ARHGAP15: variants seen among roughly 807,000 people sequenced by gnomAD.
The protein encoded by ARHGAP15 is rho GTPase-activating protein 15.
ARHGAP15 carries 51 observed loss-of-function variants against 63.7 expected under a neutral mutation model. The ratio of observed to expected loss-of-function variants is 0.80; its 90% CI spans 0.64 to 1.01. The LOEUF is 1.01. ARHGAP15 is among the 50% of genes least tolerant of loss of function. The pLI is 0.00. For missense variants in ARHGAP15, 560 were observed against 564.6 expected, an observed-to-expected ratio of 0.99 and a Z score of 0.08; for synonymous variants, 191 against 193.8, an observed-to-expected ratio of 0.99 and a Z score of 0.12.
intron 12 of ARHGAP15, among the ~76,000 whole-genome samples, chr2:143,642,716 T>C (rs769163434): frequency 6.6e-6 from 1 of 152,074 alleles, no homozygotes; most frequent in African/African-American, 2.4e-5. Flanking sequence ...ATAAATGTTC[T>C]ACAGAAGGGA....
chr2:143,466,152 C>A (rs1371817548), intron 8 of ARHGAP15, among the ~76,000 whole-genome samples: 1 of 151,812 alleles, frequency 6.6e-6, no homozygotes, highest in African/African-American at 2.4e-5. Flanking sequence ...AAAATTAGTC[C>A]AGAAGAGAAG....
intron 6 of ARHGAP15, among the ~76,000 whole-genome samples, chr2:143,370,275 A>G (rs1426569837): frequency 1.3e-5 from 2 of 148,362 alleles, no homozygotes; most frequent in Non-Finnish European, 3.0e-5. Context: ...GATCCTTGGC[A>G]TGTCTTGCTT....
At position 143,225,607 on chromosome 2, in the gene ARHGAP15, A is replaced by AAAAAC. The variant is rs148636064; in HGVS notation, c.297-2944_297-2940dup. Among the ~76,000 whole-genome samples the AAAAAC allele has an allele frequency of 6.6e-3, 1,006 of 152,052 alleles. 3 individuals carry two copies. Among genetic ancestry groups the AAAAAC allele is most frequent in the African/African-American group, 0.017 (708 of 41,434 alleles). ...GGCGACAGAGCGAGACTCCGTCTCA[A>AAAAAC]AAAACAAAACAAAACAAAACAAAAC... is the stretch of plus-strand genomic sequence containing the variant. On this transcript the variant is annotated intron_variant, in intron 4 of 13. Transcript: ENST00000295095.
intron 6 of ARHGAP15, among the ~76,000 whole-genome samples, chr2:143,296,900 G>A (rs920793296): frequency 1.3e-5 from 2 of 151,988 alleles, no homozygotes; most frequent in East Asian, 1.9e-4. Context: ...TCCCACTTGT[G>A]AGAAAATGCA....
At chr2:143,272,875 C>A (rs921215093) in intron 6 of ARHGAP15, among the ~76,000 whole-genome samples, 1 of 152,036 alleles carries the variant, frequency 6.6e-6, no homozygotes, top group Non-Finnish European at 1.5e-5. Flanking sequence ...CAGAATCTTG[C>A]TTTTTAATTG....
intron 12 of ARHGAP15, among the ~76,000 whole-genome samples, chr2:143,643,350 G>A (rs1361123623): frequency 6.6e-6 from 1 of 151,870 alleles, no homozygotes; most frequent in African/African-American, 2.4e-5. Context: ...CCAGAAGATT[G>A]GCCAAATTTA....
chr2:143,417,633 G>T (rs1052607097), intron 6 of ARHGAP15, among the ~76,000 whole-genome samples: 1 of 152,196 alleles, frequency 6.6e-6, no homozygotes, highest in Admixed American at 6.5e-5. Context: ...GCAGGACTGA[G>T]CTTGTGAATG....
chr2:143,339,369 A>G (rs570252236), intron 6 of ARHGAP15, among the ~76,000 whole-genome samples: 4 of 152,266 alleles, frequency 2.6e-5, no homozygotes, highest in Admixed American at 2.0e-4. Context: ...TTATTCACAA[A>G]TAGGGTCAGA....
intron 6 of ARHGAP15, among the ~76,000 whole-genome samples, chr2:143,409,434 A>G (rs184158911): frequency 2.4e-3 from 362 of 152,196 alleles, no homozygotes; most frequent in South Asian, 0.012. Flanking sequence ...AATATCTCCA[A>G]TGGTCCTTTA....
intron 13 of ARHGAP15, among the ~76,000 whole-genome samples, chr2:143,767,621 T>TTA (rs1194051557): frequency 2.0e-5 from 3 of 152,158 alleles, no homozygotes; most frequent in African/African-American, 4.8e-5. Context: ...ATTTGGGTTC[T>TTA]TATATATATA....
intron 4 of ARHGAP15, among the ~76,000 whole-genome samples, chr2:143,219,138 C>G (rs1692886281): frequency 6.6e-6 from 1 of 152,208 alleles, no homozygotes; most frequent in South Asian, 2.1e-4. Flanking sequence ...ACAGCATATA[C>G]AGCTGTGGTC....
intron 13 of ARHGAP15, among the ~76,000 whole-genome samples, chr2:143,735,092 C>T (rs564737146): frequency 6.6e-6 from 1 of 152,262 alleles, no homozygotes; most frequent in Non-Finnish European, 1.5e-5. Flanking sequence ...GACAGATATT[C>T]GATTCAGCTT....
At chr2:143,545,554 C>G (rs1695294622) in intron 10 of ARHGAP15, among the ~76,000 whole-genome samples, 1 of 151,744 alleles carries the variant, frequency 6.6e-6, no homozygotes, top group African/African-American at 2.4e-5. Context: ...GGCAAGCGTT[C>G]TCGGGGTCTG....
intron 13 of ARHGAP15, among the ~76,000 whole-genome samples, chr2:143,753,050 C>T (rs779059044): frequency 3.3e-5 from 5 of 152,146 alleles, no homozygotes; most frequent in Non-Finnish European, 7.4e-5. Flanking sequence ...CAGGTCGAGG[C>T]GGGAAGATCG....
chr2:143,278,456 G>A (rs1371577534), intron 6 of ARHGAP15, among the ~76,000 whole-genome samples: 5 of 152,098 alleles, frequency 3.3e-5, no homozygotes, highest in African/African-American at 1.2e-4. Flanking sequence ...CCCAACTTAA[G>A]GCTCTACTAG....
intron 3 of ARHGAP15, among the ~76,000 whole-genome samples, chr2:143,211,931 G>A (rs745699601): frequency 6.6e-6 from 1 of 152,148 alleles, no homozygotes; most frequent in Non-Finnish European, 1.5e-5. Flanking sequence ...AAATACATCA[G>A]CAGAGAAAAC....
At chr2:143,728,980 G>A (rs562743221) in intron 13 of ARHGAP15, among the ~76,000 whole-genome samples, 2 of 152,324 alleles carry the variant, frequency 1.3e-5, no homozygotes, top group South Asian at 2.1e-4. Context: ...ACAGAGCTAT[G>A]GTCTCAGTTA....
chr2:143,431,563 A>G (rs1689391311), intron 6 of ARHGAP15, among the ~76,000 whole-genome samples: 1 of 152,022 alleles, frequency 6.6e-6, no homozygotes, highest in Non-Finnish European at 1.5e-5. Flanking sequence ...GCATACTTTC[A>G]TGATGTAAAT....
chr2:143,612,285 A>G (rs1698286430), intron 11 of ARHGAP15, among the ~76,000 whole-genome samples: 1 of 152,204 alleles, frequency 6.6e-6, no homozygotes, highest in Non-Finnish European at 1.5e-5. Flanking sequence ...TCAGAGTTTA[A>G]CATGCATCAA....
Sources: gnomAD v4.1 joint callset for allele counts (sites outside exome capture counted in the v4.1 genomes callset) on GRCh38, gnomAD v4.1.1 for gene constraint, MANE v1.5 for transcripts, NCBI Gene and HGNC (gene_info 2026-07-23, HGNC 2026-07-21) for gene names.